PGLYRP3: variants seen among roughly 807,000 people sequenced by gnomAD.
The protein encoded by PGLYRP3 is peptidoglycan recognition protein 3, also known as peptidoglycan recognition protein I alpha.
In PGLYRP3, 39 loss-of-function variants were observed where a neutral mutation model predicts 36.0. That is an observed-to-expected ratio of 1.08 (90% CI 0.84 to 1.41). The LOEUF (loss-of-function observed/expected upper bound fraction) is 1.41, where lower values mean the gene tolerates loss of function less well. Ranked by LOEUF, PGLYRP3 falls within the 40% of genes most tolerant of loss-of-function variation. The pLI is 0.00. For synonymous variants in PGLYRP3, 204 were observed against 172.8 expected (o/e 1.18, Z -1.42); for missense variants, 407 against 427.9 (o/e 0.95, Z 0.43).
chr1:153,301,101 T>G lies in PGLYRP3; in HGVS notation c.728+1308A>C, dbSNP rs191835853. On this transcript the variant is annotated intron_variant, in intron 6 of 7. Transcript: ENST00000683862. ...CACCCAGCTAATTATTTTATTTTTT[T>G]GAAGAGATGGGGTCTCCCTATGTTG... Among the ~76,000 whole-genome samples, 312 of 152,260 alleles carry G rather than the reference T, an allele frequency of 2.0e-3. 1 individual carries two copies. Among genetic ancestry groups the G allele is most frequent in the African/African-American group, 6.8e-3 (281 of 41,536 alleles).
intron 7 of PGLYRP3, among the ~76,000 whole-genome samples, 172 bp from the exon 8 acceptor site, chr1:153,298,306 G>A (rs916481330): frequency 2.7e-4 from 41 of 152,118 alleles, no homozygotes; most frequent in African/African-American, 9.2e-4. Flanking sequence ...AAGAAAACAA[G>A]GTCATTGCTT....
At chr1:153,300,637 A>G (rs1659567588) in intron 6 of PGLYRP3, among the ~76,000 whole-genome samples, 1 of 152,240 alleles carries the variant, frequency 6.6e-6, no homozygotes, top group Non-Finnish European at 1.5e-5. Flanking sequence ...AAAACTTTCA[A>G]AACTGCAGCT....
chr1:153,301,493 C>T (rs1011012560), intron 6 of PGLYRP3, among the ~76,000 whole-genome samples: 1 of 152,140 alleles, frequency 6.6e-6, no homozygotes, highest in Non-Finnish European at 1.5e-5. Flanking sequence ...ACAAACATTC[C>T]CTCACCTTCT....
At chr1:153,304,741 A>T (rs1366632859) in intron 4 of PGLYRP3, among the ~76,000 whole-genome samples, 1 of 152,228 alleles carries the variant, frequency 6.6e-6, no homozygotes, top group African/African-American at 2.4e-5. Flanking sequence ...CAGCAATATC[A>T]CAGGAGTACA....
chr1:153,307,488 T>G (rs1245089858), intron 2 of PGLYRP3, among the ~76,000 whole-genome samples: 1 of 152,090 alleles, frequency 6.6e-6, no homozygotes, highest in African/African-American at 2.4e-5. Context: ...CGTGCCGCCT[T>G]GTTCCCAGAC....
chr1:153,297,749 A>G lies in PGLYRP3; in HGVS notation c.*207T>C. 3 of 545,826 alleles carry G rather than the reference A, an allele frequency of 5.5e-6. No homozygotes were observed. The highest frequency in any genetic ancestry group is 9.6e-6 in the Non-Finnish European group (3 of 311,676). The allele number at this position is 545,826 out of a possible 1,614,324, so 33.8% of individuals were successfully genotyped here. A position where few individuals can be genotyped will look rare whatever the true frequency, so the allele number is the denominator to read the frequency against. On this transcript the variant is annotated 3_prime_UTR_variant, in exon 8 of 8. Coordinates refer to ENST00000683862, the MANE Select transcript of PGLYRP3 (RefSeq NM_052891.3). ...TAGGTAAAAGAGAGGGGAAGTCTAAACTCAGACCAAGAGGGCTGTGAATGC... is the reference window on the plus strand; with the variant it reads ...TAGGTAAAAGAGAGGGGAAGTCTAAGCTCAGACCAAGAGGGCTGTGAATGC...
intron 4 of PGLYRP3, 124 bp from the exon 5 acceptor site, chr1:153,304,133 T>G: frequency 1.1e-6 from 1 of 919,196 alleles, no homozygotes. Flanking sequence ...AGGAAACTGG[T>G]CCAGTTGCCA....
intron 6 of PGLYRP3, 144 bp downstream of exon 6, chr1:153,302,265 C>T: frequency 1.2e-6 from 1 of 826,608 alleles, no homozygotes; most frequent in Non-Finnish European, 2.0e-6. Flanking sequence ...ATCCTCAGCC[C>T]AATCTTGCAA....
chr1:153,302,980 C>T (rs980170762), intron 5 of PGLYRP3, among the ~76,000 whole-genome samples: 4 of 152,224 alleles, frequency 2.6e-5, no homozygotes, highest in Admixed American at 2.6e-4. Context: ...AGTCAGTGGA[C>T]TCTCCGAACT....
intron 7 of PGLYRP3, 133 bp downstream of exon 7, chr1:153,298,980 A>G: frequency 1.4e-6 from 1 of 722,686 alleles, no homozygotes; most frequent in Non-Finnish European, 2.5e-6. Context: ...CTGTATTAAG[A>G]GTCCACTTTA....
chr1:153,306,289 G>A (rs1049708530), intron 3 of PGLYRP3, among the ~76,000 whole-genome samples: 1 of 152,148 alleles, frequency 6.6e-6, no homozygotes, highest in East Asian at 1.9e-4. Context: ...GTTCCATGCG[G>A]GACAGCCCCA....
chr1:153,297,944 G>C lies in PGLYRP3; in HGVS notation c.*12C>G, dbSNP rs377623044. On this transcript the variant is annotated 3_prime_UTR_variant, in exon 8 of 8. Coordinates refer to ENST00000683862, the MANE Select transcript of PGLYRP3 (RefSeq NM_052891.3). ...GGGAGGGAGGGCAGTCTCAAAGGGA[G>C]TGGGGCCTCCTTCAGTGCTTGAAAT... The C allele has an allele frequency of 6.2e-6, 10 of 1,612,922 alleles. No individual in the cohort carries two copies. Among genetic ancestry groups the C allele is most frequent in the Middle Eastern group, 1.7e-4 (1 of 6,042 alleles).
intron 7 of PGLYRP3, among the ~76,000 whole-genome samples, chr1:153,298,592 G>A (rs1433678): frequency 0.42 from 63,332 of 151,724 alleles, 13,774 homozygotes; most frequent in East Asian, 0.69. Context: ...GCAGTGAGCC[G>A]ACATCACGCC....
At chr1:153,302,272 G>T in intron 6 of PGLYRP3, 137 bp downstream of exon 6, 1 of 900,112 alleles carries the variant, frequency 1.1e-6, no homozygotes, top group Non-Finnish European at 1.7e-6. Context: ...GCCCAATCTT[G>T]CAAAAATAAA....
intron 3 of PGLYRP3, 103 bp downstream of exon 3, chr1:153,306,963 C>T: frequency 9.1e-7 from 1 of 1,097,628 alleles, no homozygotes; most frequent in South Asian, 1.4e-5. Flanking sequence ...ATTACAAAAG[C>T]AATGTAAATG....
chr1:153,309,977 A>G (rs551038021), intron 2 of PGLYRP3, among the ~76,000 whole-genome samples: 1 of 152,372 alleles, frequency 6.6e-6, no homozygotes, highest in South Asian at 2.1e-4. Flanking sequence ...GGACAGAGAG[A>G]AAGCTATATT....
At chr1:153,306,663 A>G (rs1054255229) in intron 3 of PGLYRP3, among the ~76,000 whole-genome samples, 1 of 152,046 alleles carries the variant, frequency 6.6e-6, no homozygotes, top group Admixed American at 6.5e-5. Context: ...AATTCCCCCA[A>G]ACCATGGCTT....
At chr1:153,305,877 C>A (rs1241509615) in intron 3 of PGLYRP3, among the ~76,000 whole-genome samples, 1 of 152,234 alleles carries the variant, frequency 6.6e-6, no homozygotes, top group Non-Finnish European at 1.5e-5. Context: ...GTCACTCCTG[C>A]AGCAGCCTGT....
chr1:153,307,080 G>C lies in PGLYRP3; in HGVS notation c.243C>G (p.Cys81Trp). The C allele has an allele frequency of 6.2e-7, 1 of 1,613,384 alleles. No individual in the cohort carries two copies. The highest frequency in any genetic ancestry group is 1.1e-5 in the South Asian group (1 of 90,940). ...QSHSVYTIGW[C>W]DVAYNFLVGD... is the part of the protein sequence containing the mutation. ...TAGCCTCTTACTTGTACGCCACGTC[G>C]CACCAGCCTATGGTGTAGACGGAAT... is the stretch of plus-strand genomic sequence containing the variant. Residue 81 changes from cysteine to tryptophan, a missense_variant, in exon 3 of 8, where the codon TGC becomes TGG. Transcript: ENST00000683862.
Sources: allele counts gnomAD v4.1 joint callset (sites outside exome capture counted in the v4.1 genomes callset), GRCh38; gene constraint gnomAD v4.1.1; transcripts MANE v1.5; gene names NCBI Gene and HGNC (gene_info 2026-07-23, HGNC 2026-07-21).